Variants in SPEN observed in about 807,000 individuals in gnomAD.
SPEN encodes spen family transcriptional repressor.
Under a neutral mutation model 269.9 loss-of-function variants are expected in SPEN, and 18 were observed. The observed-to-expected ratio is 0.07, with a 90% confidence interval of 0.05 to 0.10. The LOEUF is 0.10. Ranked by LOEUF, SPEN falls within the 10% of genes least tolerant of loss-of-function variation. The pLI is 1.00. For synonymous variants in SPEN, 1,726 were observed against 1,765.7 expected, an observed-to-expected ratio of 0.98 and a Z score of 0.56; for missense variants, 3,822 against 4,631.2, an observed-to-expected ratio of 0.83 and a Z score of 5.07.
At chr1:15,875,507 CAT>C (rs745346557) in intron 2 of SPEN, among the ~76,000 whole-genome samples, 37 of 151,964 alleles carry the variant, frequency 2.4e-4, no homozygotes, top group African/African-American at 8.2e-4. Flanking sequence ...TTTAAATTCA[CAT>C]AGAGTAGCAT....
chr1:15,892,012 C>CTTTTTTTTTT (rs71003216), intron 3 of SPEN, among the ~76,000 whole-genome samples: 4 of 74,572 alleles, frequency 5.4e-5, no homozygotes, highest in Non-Finnish European at 9.5e-5. Context: ...TTTCTTTTTA[C>CTTTTTTTTTT]TTTTTTTTTT....
chr1:15,857,652 C>T (rs980363678), intron 1 of SPEN, among the ~76,000 whole-genome samples: 8 of 150,906 alleles, frequency 5.3e-5, no homozygotes, highest in Admixed American at 1.3e-4. Context: ...CCACCGTGCC[C>T]GGCCCCTATT....
At position 15,929,600 on chromosome 1, in the gene SPEN, T is replaced by A; in HGVS notation, c.3360T>A (p.Asp1120Glu). 2 of 1,614,102 alleles carry A rather than the reference T, an allele frequency of 1.2e-6. No homozygotes were observed. The highest frequency in any genetic ancestry group is 1.7e-6 in the Non-Finnish European group (2 of 1,179,990). ...KPQLKQLQVL[D>E]DQGPEREDVR... ...AGCTCAAACAGCTGCAGGTATTAGA[T>A]GATCAAGGACCAGAGAGAGAAGACG... Residue 1120 changes from aspartate to glutamate, a missense_variant, in exon 11 of 15, where the codon GAT becomes GAA. Physicochemically the swap from Asp to Glu is conservative, Grantham distance 45 (BLOSUM62 2). Transcript: ENST00000375759. This position sits in a 1 kb window ranked among gnomAD's most constrained non-coding sequence, Gnocchi z 5.8.
intron 1 of SPEN, among the ~76,000 whole-genome samples, chr1:15,861,651 TG>T (rs978048860): frequency 6.6e-6 from 1 of 151,950 alleles, no homozygotes; most frequent in Admixed American, 6.6e-5. Context: ...CTTTTTTTTG[TG>T]GGGGGAGTAG....
At chr1:15,878,033 C>T (rs1448320122) in intron 3 of SPEN, among the ~76,000 whole-genome samples, 1 of 152,220 alleles carries the variant, frequency 6.6e-6, no homozygotes, top group East Asian at 1.9e-4. Flanking sequence ...GTGTGAGCTA[C>T]TGCGCCTGGC....
chr1:15,906,453 C>CTTTTTTTT (rs200731520), intron 3 of SPEN, among the ~76,000 whole-genome samples: 16 of 92,582 alleles, frequency 1.7e-4, no homozygotes, highest in African/African-American at 4.0e-4. Flanking sequence ...TCTTTCTTTC[C>CTTTTTTTT]TTTTTTTTTT....
chr1:15,873,949 A>T, intron 2 of SPEN: 18 of 1,178,852 alleles, frequency 1.5e-5, no homozygotes, highest in Non-Finnish European at 1.9e-5. Flanking sequence ...AGCTTTGAAC[A>T]CATGGTGATG....
chr1:15,936,341 T>TG, intron 11 of SPEN, 75 bp downstream of exon 11: 1 of 1,464,540 alleles, frequency 6.8e-7, no homozygotes, highest in Non-Finnish European at 9.0e-7. Context: ...TAAGCCAAGA[T>TG]GTGTGAAAGA....
Position 15,916,272 on chromosome 1 carries a change from A to C in SPEN, c.1388A>C (p.Glu463Ala). 6.2e-7 allele frequency: 1 copy of C among 1,611,716 alleles called. No individual in the cohort carries two copies. The highest frequency in any genetic ancestry group is 8.5e-7 in the Non-Finnish European group (1 of 1,179,428). ...CGCAACATCTTCCAGCGCTTTGGAGAAATTGTGGTATGTTGCTTTTACTAT... is the reference window on the plus strand; with the variant it reads ...CGCAACATCTTCCAGCGCTTTGGAGCAATTGTGGTATGTTGCTTTTACTAT... ...DLRNIFQRFG[E>A]IVDIDIKKVN... The change falls in exon 6 of 15, where the codon GAA (glutamate) becomes GCA (alanine). Residue 463 changes from glutamate (E) to alanine (A), a missense_variant. Glu to Ala is a moderately radical substitution (Grantham distance 107). Around this residue, in one of 16 missense-constraint regions of SPEN, gnomAD observed 230 missense variants for 426.1 expected, o/e 0.54. Transcript: ENST00000375759.
intron 1 of SPEN, among the ~76,000 whole-genome samples, chr1:15,867,857 GT>G (rs948324632): frequency 1.3e-5 from 2 of 151,434 alleles, no homozygotes; most frequent in Admixed American, 6.6e-5. Context: ...CTCTGTATCC[GT>G]ATATGTGCTC....
chr1:15,879,109 T>TG (rs139619251), intron 3 of SPEN, among the ~76,000 whole-genome samples: 10,711 of 144,968 alleles, frequency 0.074, 436 homozygotes, highest in Middle Eastern at 0.084. Context: ...GAGGCTGAGG[T>TG]GGGTAGATCA....
chr1:15,887,546 C>T (rs1044045032), intron 3 of SPEN, among the ~76,000 whole-genome samples: 13 of 147,314 alleles, frequency 8.8e-5, no homozygotes, highest in African/African-American at 3.3e-4. Context: ...CTGCCTGCCT[C>T]AGCCTCCCAA....
intron 1 of SPEN, among the ~76,000 whole-genome samples, chr1:15,865,017 G>A (rs1188528373): frequency 6.6e-6 from 1 of 151,974 alleles, no homozygotes; most frequent in East Asian, 1.9e-4. Flanking sequence ...AAGATTTTGA[G>A]TGAAATTGAG....
chr1:15,937,636 A>G lies in SPEN; in HGVS notation c.10500A>G (p.Gln3500=), dbSNP rs773058406. 1.1e-5 allele frequency: 18 copies of G among 1,612,430 alleles called. No homozygotes were observed. The highest frequency in any genetic ancestry group is 1.7e-5 in the Admixed American group (1 of 59,962). The change falls in exon 12 of 15, where the codon CAA becomes CAG. Residue 3500 remains glutamine, a synonymous_variant. Transcript: ENST00000375759. This position sits in a 1 kb window ranked among gnomAD's most constrained non-coding sequence, Gnocchi z 5.7. The part of the protein sequence containing the change: ...LTSQRPVDMV[Q]LLKKYPIVWQ... Reference sequence around the variant, plus strand: ...CCCAGAGACCCGTGGATATGGTTCAACTTCTGAAGGTAAGCATGAGCAGGG... The same window carrying G: ...CCCAGAGACCCGTGGATATGGTTCAGCTTCTGAAGGTAAGCATGAGCAGGG...
At position 15,876,617 on chromosome 1, in the gene SPEN, T is replaced by C; in HGVS notation, c.820T>C (p.Ser274Pro). 6.2e-7 allele frequency: 1 copy of C among 1,613,922 alleles called. No homozygotes were observed. Among genetic ancestry groups the C allele is most frequent in the Non-Finnish European group, 8.5e-7 (1 of 1,180,018 alleles). ...CACAAGGTCCCCTAGCGGCAGCGGCTCTAGAAGTAGATCCTCCAGTAGTGA... is the reference window on the plus strand; with the variant it reads ...CACAAGGTCCCCTAGCGGCAGCGGCCCTAGAAGTAGATCCTCCAGTAGTGA... ...RPTRSPSGSG[S>P]RSRSSSSDSI... is the part of the protein sequence containing the mutation. The change falls in exon 3 of 15, where the codon TCT (serine) becomes CCT (proline). Residue 274 changes from serine (S) to proline (P), a missense_variant. By Grantham distance (74) the Ser-to-Pro change is moderately conservative. Transcript: ENST00000375759.
chr1:15,864,046 A>G (rs548767423), intron 1 of SPEN, among the ~76,000 whole-genome samples: 19 of 152,332 alleles, frequency 1.2e-4, no homozygotes, highest in Admixed American at 1.3e-4. Context: ...ATTTGAAGAC[A>G]CTATGTAAGT....
At position 15,920,039 on chromosome 1, in the gene SPEN, C is replaced by A. The variant is rs1263607709; in HGVS notation, c.1635+522C>A. 3.3e-5 allele frequency among the ~76,000 whole-genome samples: 5 copies of A among 151,182 alleles called. No homozygotes were observed. The South Asian group carries it at 8.4e-4, about 25-fold the overall frequency. On this transcript the variant is annotated intron_variant, in intron 8 of 14. Transcript: ENST00000375759. ...TACTCTGTGGTAGGTATATTGTATA[C>A]CCTTGACAATGCTTTTTTTTTTTTA... is the stretch of plus-strand genomic sequence containing the variant.
intron 5 of SPEN, among the ~76,000 whole-genome samples, chr1:15,915,514 G>T (rs2071049913): frequency 6.6e-6 from 1 of 152,096 alleles, no homozygotes; most frequent in Non-Finnish European, 1.5e-5. Flanking sequence ...CCTTAGCAAA[G>T]ATATCTATCT....
rs762941735 is a variant in SPEN, at chr1:15,936,181, A to G, written c.9941A>G (p.Tyr3314Cys). The G allele has an allele frequency of 1.3e-6, 2 of 1,599,644 alleles. No homozygotes were observed. The highest frequency in any genetic ancestry group is 3.4e-5 in the Admixed American group (2 of 59,376). The change falls in exon 11 of 15, where the codon TAC becomes TGC. Residue 3314 changes from tyrosine to cysteine, a missense_variant. Coordinates refer to ENST00000375759, the MANE Select transcript of SPEN (RefSeq NM_015001.3). Reference protein sequence around the residue: ...QEYRYGDIRTYHPPAQLTHTQ... With the variant: ...QEYRYGDIRTCHPPAQLTHTQ... ...TACCGGTACGGCGACATCCGCACCT[A>G]CCACCCCCCGGCCCAGCTCACACAC...
Sources: gnomAD v4.1 joint callset for allele counts (sites outside exome capture counted in the v4.1 genomes callset) on GRCh38, gnomAD v4.1.1 for gene constraint, gnomAD v4.1.1 regional missense constraint, Gnocchi (gnomAD v3.1) non-coding constraint, MANE v1.5 for transcripts, NCBI Gene and HGNC (gene_info 2026-07-23, HGNC 2026-07-21) for gene names.